The following NOVA1 variants were observed in gnomAD, a reference collection of about 807,000 sequenced individuals.
The protein encoded by NOVA1 is RNA-binding protein Nova-1.
A neutral mutation model predicts 38.0 loss-of-function variants in NOVA1; 7 were observed. The ratio of observed to expected loss-of-function variants is 0.18; its 90% confidence interval spans 0.10 to 0.35. The LOEUF is 0.35. NOVA1 is among the 10% of genes least tolerant of loss of function. The pLI is 1.00. For missense variants in NOVA1, 460 were observed against 616.0 expected, an observed-to-expected ratio of 0.75 and a Z score of 2.68; for synonymous variants, 270 against 232.5, an observed-to-expected ratio of 1.16 and a Z score of -1.47.
At chr14:26,463,314 T>C (rs1173454877) in intron 4 of NOVA1, among the ~76,000 whole-genome samples, 1 of 152,208 alleles carries the variant, frequency 6.6e-6, no homozygotes, top group East Asian at 1.9e-4. Context: ...CTTGTATCTT[T>C]GCCAGCACTT....
chr14:26,538,975 T>C (rs765448613), intron 2 of NOVA1, among the ~76,000 whole-genome samples: 6 of 152,212 alleles, frequency 3.9e-5, no homozygotes, highest in Admixed American at 6.5e-5. Flanking sequence ...ATGACTAGAA[T>C]GTGACTTTCG....
intron 2 of NOVA1, among the ~76,000 whole-genome samples, chr14:26,490,522 A>G (rs894506304): frequency 1.3e-5 from 2 of 152,196 alleles, no homozygotes; most frequent in African/African-American, 4.8e-5. Context: ...TTTTTTAGTA[A>G]TAGCCATCCT....
intron 2 of NOVA1, among the ~76,000 whole-genome samples, chr14:26,522,612 C>T (rs578164690): frequency 6.6e-6 from 1 of 152,054 alleles, no homozygotes; most frequent in African/African-American, 2.4e-5. Flanking sequence ...AAAAAAAATC[C>T]ATCTTGGTCT....
rs1179606885 is a variant in NOVA1, at chr14:26,597,510, T to TC, written c.-75_-74insG. ...TTGGCTTTTTCTTTTCTTTTTTCTT[T>TC]TTTTTTTTTTTTTTTTTTTGCGTTT... is the stretch of plus-strand genomic sequence containing the variant. On this transcript the variant is annotated 5_prime_UTR_variant, in exon 1 of 5. Coordinates refer to ENST00000539517, the MANE Select transcript of NOVA1 (RefSeq NM_002515.3). 14 of 892,830 alleles carry TC rather than the reference T, an allele frequency of 1.6e-5. No homozygotes were observed. Among genetic ancestry groups the TC allele is most frequent in the Admixed American group, 5.6e-5 (1 of 17,934 alleles). 55.3% of individuals were successfully genotyped at this position (892,830 alleles called of 1,614,324 possible).
chr14:26,548,548 T>TA (rs199718271), intron 2 of NOVA1, among the ~76,000 whole-genome samples: 10 of 150,970 alleles, frequency 6.6e-5, no homozygotes, highest in East Asian at 1.9e-4. Context: ...TACTATTGAC[T>TA]AAAAAAAAAC....
intron 2 of NOVA1, among the ~76,000 whole-genome samples, chr14:26,518,779 AG>A: frequency 1.3e-5 from 2 of 152,030 alleles, no homozygotes; most frequent in East Asian, 1.9e-4. Context: ...TTTTAGATTC[AG>A]GGGGTACATA....
chr14:26,539,268 A>C (rs1227598718), intron 2 of NOVA1, among the ~76,000 whole-genome samples: 1 of 152,210 alleles, frequency 6.6e-6, no homozygotes, highest in Non-Finnish European at 1.5e-5. Context: ...ATGAATAAGA[A>C]TAACAGATTA....
chr14:26,455,021 C>G (rs1355777082), intron 4 of NOVA1, among the ~76,000 whole-genome samples: 3 of 152,072 alleles, frequency 2.0e-5, no homozygotes, highest in African/African-American at 7.2e-5. Flanking sequence ...GTGTGAATGA[C>G]TGATTTGATA....
chr14:26,512,353 T>C (rs944305624), intron 2 of NOVA1, among the ~76,000 whole-genome samples: 2 of 152,136 alleles, frequency 1.3e-5, no homozygotes, highest in African/African-American at 2.4e-5. Flanking sequence ...AAACTTGGGA[T>C]AAGGGAGGTG....
At chr14:26,476,971 T>C (rs1239799947) in intron 3 of NOVA1, among the ~76,000 whole-genome samples, 1 of 152,134 alleles carries the variant, frequency 6.6e-6, no homozygotes, top group Non-Finnish European at 1.5e-5. Context: ...CGCCTCAGTC[T>C]CCCAAAGTGC....
chr14:26,452,626 C>T (rs573881121), intron 4 of NOVA1, among the ~76,000 whole-genome samples: 1 of 152,258 alleles, frequency 6.6e-6, no homozygotes, highest in African/African-American at 2.4e-5. Flanking sequence ...AATGCTCTGG[C>T]TGAGAAAAAT....
chr14:26,523,747 G>GT (rs1889075522), intron 2 of NOVA1, among the ~76,000 whole-genome samples: 1 of 136,710 alleles, frequency 7.3e-6, no homozygotes, highest in Non-Finnish European at 1.5e-5. Context: ...TCCACTTGAA[G>GT]ATTTTTTTTT....
At chr14:26,536,971 T>C (rs886604478) in intron 2 of NOVA1, among the ~76,000 whole-genome samples, 3 of 152,120 alleles carry the variant, frequency 2.0e-5, no homozygotes, top group Non-Finnish European at 2.9e-5. Context: ...TGGCAATGAA[T>C]ACTCAATGTC....
chr14:26,501,810 TTAAAA>T (rs1166392597), intron 2 of NOVA1, among the ~76,000 whole-genome samples: 2 of 151,892 alleles, frequency 1.3e-5, no homozygotes, highest in African/African-American at 4.8e-5. Flanking sequence ...TTTTCAGCTA[TTAAAA>T]TAATCAATCA....
chr14:26,595,885 G>A (rs1446576667), intron 1 of NOVA1: 1 of 366,866 alleles, frequency 2.7e-6, no homozygotes, highest in Non-Finnish European at 5.2e-6. Flanking sequence ...GTGGCAAAAT[G>A]AAATGAACTG....
intron 2 of NOVA1, among the ~76,000 whole-genome samples, chr14:26,589,986 G>A (rs1209775563): frequency 1.3e-5 from 2 of 151,754 alleles, no homozygotes; most frequent in Non-Finnish European, 3.0e-5. Context: ...GTCTCTGAGG[G>A]TCAGGTTAAT....
At chr14:26,493,365 C>T (rs143215824) in intron 2 of NOVA1, among the ~76,000 whole-genome samples, 1 of 152,302 alleles carries the variant, frequency 6.6e-6, no homozygotes, top group Non-Finnish European at 1.5e-5. Context: ...TATTACAGAT[C>T]TATGTTTCCA....
chr14:26,496,807 T>C (rs1446298293), intron 2 of NOVA1, among the ~76,000 whole-genome samples: 2 of 152,172 alleles, frequency 1.3e-5, no homozygotes, highest in African/African-American at 4.8e-5. Flanking sequence ...TAGTTGTAGA[T>C]ATGCGGCGTT....
intron 2 of NOVA1, among the ~76,000 whole-genome samples, chr14:26,547,301 G>A (rs1890853017): frequency 6.6e-6 from 1 of 152,000 alleles, no homozygotes; most frequent in Non-Finnish European, 1.5e-5. Context: ...ATGAAATGGT[G>A]ATCATCTCTA....
Sources: gnomAD v4.1 joint callset for allele counts (sites outside exome capture counted in the v4.1 genomes callset) on GRCh38, gnomAD v4.1.1 for gene constraint, MANE v1.5 for transcripts, NCBI Gene and HGNC (gene_info 2026-07-23, HGNC 2026-07-21) for gene names.